NEIL3: variants seen among roughly 807,000 people sequenced by gnomAD.
NEIL3 encodes the protein endonuclease 8-like 3.
NEIL3 carries 48 observed loss-of-function variants against 57.5 expected under a neutral mutation model. The ratio of observed to expected loss-of-function variants is 0.83; its 90% CI spans 0.66 to 1.06. The LOEUF is 1.06. Ranked by LOEUF, NEIL3 falls within the 50% of genes least tolerant of loss-of-function variation. The pLI is 0.00. For synonymous variants in NEIL3, 261 were observed against 253.2 expected (o/e 1.03, Z -0.29); for missense variants, 717 against 739.1 (o/e 0.97, Z 0.35).
intron 1 of NEIL3, among the ~76,000 whole-genome samples, chr4:177,314,694 C>G (rs778813111): frequency 1.3e-5 from 2 of 152,046 alleles, no homozygotes; most frequent in Non-Finnish European, 2.9e-5. Flanking sequence ...ATGAATGGGC[C>G]TGAGGACCTC....
Position 177,310,046 on chromosome 4 carries a change from T to C in NEIL3, c.93T>C (p.Ala31=). 6.2e-7 allele frequency: 1 copy of C among 1,608,828 alleles called. No individual in the cohort carries two copies. Among genetic ancestry groups the C allele is most frequent in the Non-Finnish European group, 8.5e-7 (1 of 1,178,372 alleles). Residue 31 remains alanine (A), a synonymous_variant, in exon 1 of 10, where the codon GCT becomes GCC. Coordinates refer to ENST00000264596, the MANE Select transcript of NEIL3 (RefSeq NM_018248.3). ...GQAVTGVRGS[A]LRSLQGRALR... ...CGGTGACCGGCGTGCGGGGAAGCGC[T>C]CTGCGGAGTCTGCAGGGCCGCGCCT... is the stretch of plus-strand genomic sequence containing the variant.
chr4:177,344,577 G>A (rs939474250), intron 6 of NEIL3, among the ~76,000 whole-genome samples: 9 of 151,326 alleles, frequency 5.9e-5, no homozygotes, highest in Admixed American at 4.6e-4. Context: ...ATTTGAGTTG[G>A]AGTCTCGGAG....
intron 5 of NEIL3, among the ~76,000 whole-genome samples, chr4:177,340,736 C>T (rs1178221220): frequency 6.6e-6 from 1 of 152,098 alleles, no homozygotes; most frequent in Non-Finnish European, 1.5e-5. Context: ...ATTTTCAGCT[C>T]ATACGTGGTG....
intron 2 of NEIL3, among the ~76,000 whole-genome samples, chr4:177,328,266 T>A (rs1049490300): frequency 3.9e-5 from 6 of 152,182 alleles, no homozygotes; most frequent in African/African-American, 1.4e-4. Flanking sequence ...CTTGTAACTG[T>A]CATCCTAGAA....
At chr4:177,322,753 A>G (rs1225439564) in intron 2 of NEIL3, among the ~76,000 whole-genome samples, 173 bp downstream of exon 2, 1 of 152,206 alleles carries the variant, frequency 6.6e-6, no homozygotes, top group African/African-American at 2.4e-5. Flanking sequence ...CAGCAGAAGA[A>G]TAAATTCTGA....
chr4:177,325,709 G>A (rs1734767503), intron 2 of NEIL3, among the ~76,000 whole-genome samples: 1 of 152,054 alleles, frequency 6.6e-6, no homozygotes, highest in African/African-American at 2.4e-5. Flanking sequence ...CAGCATCTTT[G>A]CCAGCACCTG....
chr4:177,364,312 A>C (rs887518575), downstream of NEIL3, among the ~76,000 whole-genome samples: 2 of 152,212 alleles, frequency 1.3e-5, no homozygotes, highest in African/African-American at 4.8e-5. Context: ...GAGTGAACTA[A>C]AGCAGGCAGA....
At chr4:177,339,705 A>T in intron 4 of NEIL3, 78 bp from the exon 5 acceptor site, 1 of 925,074 alleles carries the variant, frequency 1.1e-6, no homozygotes, top group Non-Finnish European at 1.7e-6. Flanking sequence ...TCTCTTTCAC[A>T]GAATTGGCAA....
downstream of NEIL3, among the ~76,000 whole-genome samples, chr4:177,364,798 C>T (rs1270734853): frequency 6.6e-6 from 1 of 151,890 alleles, no homozygotes; most frequent in Non-Finnish European, 1.5e-5. Context: ...CGTGGTGGCT[C>T]ACACCTGTAG....
chr4:177,354,967 C>A (rs1735443761), intron 8 of NEIL3, among the ~76,000 whole-genome samples: 1 of 152,128 alleles, frequency 6.6e-6, no homozygotes, highest in Non-Finnish European at 1.5e-5. Context: ...ATAACGTCAT[C>A]CTCTCTTTTC....
intron 8 of NEIL3, among the ~76,000 whole-genome samples, chr4:177,358,246 A>G (rs193068532): frequency 1.3e-5 from 2 of 152,286 alleles, no homozygotes; most frequent in South Asian, 2.1e-4. Flanking sequence ...GCTTCTGGTC[A>G]GTGGACCACA....
rs1242697837 is a variant in NEIL3 at position 177,353,388 on chromosome 4, C to T, written c.1120C>T (p.His374Tyr). 6.2e-7 allele frequency: 1 copy of T among 1,613,596 alleles called. No individual in the cohort carries two copies. The highest frequency in any genetic ancestry group is 8.5e-7 in the Non-Finnish European group (1 of 1,179,728). ...CCCGTGTAATACTTTTGGAAAACCT[C>T]ATACAGAAGTCAAGATCAACAGAAA... Reference protein sequence around the residue: ...KYPCNTFGKPHTEVKINRKTA... With the variant: ...KYPCNTFGKPYTEVKINRKTA... Residue 374 changes from histidine to tyrosine, a missense_variant, in exon 8 of 10, where the codon CAT becomes TAT. By Grantham distance (83) the His-to-Tyr change is moderately conservative (BLOSUM62 2). Coordinates refer to ENST00000264596, the MANE Select transcript of NEIL3 (RefSeq NM_018248.3).
chr4:177,339,379 C>G (rs1735041367), intron 4 of NEIL3, among the ~76,000 whole-genome samples: 1 of 152,164 alleles, frequency 6.6e-6, no homozygotes, highest in Admixed American at 6.6e-5. Context: ...GATGGCTGAG[C>G]CCAGGAGTTT....
chr4:177,351,546 A>G lies in NEIL3; in HGVS notation c.1036A>G (p.Ile346Val), dbSNP rs17064676. 11,728 of 1,609,558 alleles carry G rather than the reference A, an allele frequency of 7.3e-3. 369 individuals carry two copies. In the African/African-American group the frequency reaches 0.077, roughly 11 times the overall value. ...TGATGCTTGCTTGACCTCAAGGCCT[A>G]TTGGTAAGACTGAATTTTGATTTTG... ...ACDACLTSRP[I>V]DSVLKSEENS... is the part of the protein sequence containing the mutation. The change falls in exon 7 of 10, where the codon ATT becomes GTT. Residue 346 changes from isoleucine (I) to valine (V), a missense_variant. Ile to Val is a conservative substitution (Grantham distance 29). Coordinates refer to ENST00000264596, the MANE Select transcript of NEIL3 (RefSeq NM_018248.3).
chr4:177,353,765 C>CTTTT (rs377620463), intron 8 of NEIL3, 37 bp downstream of exon 8: 9 of 1,215,008 alleles, frequency 7.4e-6, no homozygotes, highest in Non-Finnish European at 1.0e-5. Flanking sequence ...AAGATAATTG[C>CTTTT]TTTTTTTTTT....
rs1735590403 is a variant in NEIL3, at chr4:177,360,637, C to T, written c.1595C>T (p.Ala532Val). 6.2e-7 allele frequency: 1 copy of T among 1,613,546 alleles called. No homozygotes were observed. Among genetic ancestry groups the T allele is most frequent in the Non-Finnish European group, 8.5e-7 (1 of 1,179,616 alleles). Residue 532 changes from alanine to valine, a missense_variant, in exon 9 of 10, where the codon GCC becomes GTC. Physicochemically the swap from Ala to Val is moderately conservative, Grantham distance 64. Transcript: ENST00000264596. ...GAAAACAAGGGCAGGCAGTTTTATG[C>T]CTGTCCTCTACCTAGAGAAGCACAA... ...DGENKGRQFY[A>V]CPLPREAQCG...
rs745358876 is a variant in NEIL3, at chr4:177,317,597, C to CTTTTTTTTTTT, written c.157-4848_157-4838dup. ...TTTTCCACGGTTAGAACTTTCTTTT[C>CTTTTTTTTTTT]TTTTTTTTTTTTTTTTTTTTTTTTG... On this transcript the variant is annotated intron_variant, in intron 1 of 9. Transcript: ENST00000264596. 2.6e-3 allele frequency among the ~76,000 whole-genome samples: 184 copies of CTTTTTTTTTTT among 70,058 alleles called. 10 individuals are homozygous for CTTTTTTTTTTT. The highest frequency in any genetic ancestry group is 5.3e-3 in the East Asian group (12 of 2,260). The allele number at this position is 70,058 out of a possible 152,430, so 46.0% of individuals were successfully genotyped here.
intron 1 of NEIL3, among the ~76,000 whole-genome samples, chr4:177,320,922 A>G (rs996455727): frequency 2.7e-5 from 4 of 149,864 alleles, no homozygotes; most frequent in African/African-American, 7.4e-5. Flanking sequence ...AGCTATTTCA[A>G]CCTTGAATGG....
chr4:177,318,791 G>A (rs147499838), intron 1 of NEIL3, among the ~76,000 whole-genome samples: 2 of 152,198 alleles, frequency 1.3e-5, no homozygotes, highest in African/African-American at 2.4e-5. Flanking sequence ...GTGTTATTGT[G>A]TTTATTGCCT....
Sources: allele counts gnomAD v4.1 joint callset (sites outside exome capture counted in the v4.1 genomes callset), GRCh38; gene constraint gnomAD v4.1.1; transcripts MANE v1.5; gene names NCBI Gene and HGNC (gene_info 2026-07-23, HGNC 2026-07-21).